COL28A1: variants seen among roughly 807,000 people sequenced by gnomAD.
COL28A1 encodes the protein collagen type XXVIII alpha 1 chain.
In COL28A1, 161 loss-of-function variants were observed where a neutral mutation model predicts 150.2. The observed-to-expected ratio is 1.07, with a 90% CI of 0.94 to 1.22. The LOEUF (loss-of-function observed/expected upper bound fraction) is 1.22. COL28A1 is among the 50% of genes most tolerant of loss of function. The pLI, the probability that COL28A1 is intolerant of heterozygous loss-of-function variation, is 0.00. For synonymous variants in COL28A1, 552 were observed against 469.7 expected, an observed-to-expected ratio of 1.18 and a Z score of -2.26; for missense variants, 1,617 against 1,388.3, an observed-to-expected ratio of 1.16 and a Z score of -2.62.
At chr7:7,533,002 T>C (rs998076191) in intron 1 of COL28A1, 90 bp from the exon 2 acceptor site, 7 of 1,286,952 alleles carry the variant, frequency 5.4e-6, no homozygotes, top group Non-Finnish European at 7.0e-6. Flanking sequence ...AAAACTGGCA[T>C]GTGACTGGAA....
intron 32 of COL28A1, among the ~76,000 whole-genome samples, chr7:7,371,622 G>A (rs950957398): frequency 6.6e-6 from 1 of 152,182 alleles, no homozygotes; most frequent in African/African-American, 2.4e-5. Flanking sequence ...TCACAAACTT[G>A]CCAGGTACAG....
intron 32 of COL28A1, among the ~76,000 whole-genome samples, chr7:7,372,432 A>C (rs1781283239): frequency 6.6e-6 from 1 of 151,198 alleles, no homozygotes. Flanking sequence ...TAAATAAATA[A>C]ATAAATAAAT....
chr7:7,450,673 A>G lies in COL28A1; in HGVS notation c.1509+1646T>C, dbSNP rs146856820. Among the ~76,000 whole-genome samples the G allele has an allele frequency of 7.1e-3, 1,081 of 152,316 alleles. 12 individuals carry two copies. The highest frequency in any genetic ancestry group is 0.025 in the African/African-American group (1,029 of 41,570). ...CTTCCCATTCTACCTCTAACTGTCT[A>G]TCTTCTACAAGTCAAGAAACTTGTC... On this transcript the variant is annotated intron_variant, in intron 18 of 34. Coordinates refer to ENST00000399429, the MANE Select transcript of COL28A1 (RefSeq NM_001037763.3).
intron 27 of COL28A1, among the ~76,000 whole-genome samples, chr7:7,389,749 C>T (rs986298380): frequency 3.3e-5 from 5 of 152,092 alleles, no homozygotes; most frequent in Non-Finnish European, 7.4e-5. Context: ...ATTTTATTCT[C>T]TTTGTAGCAA....
intron 15 of COL28A1, among the ~76,000 whole-genome samples, chr7:7,457,274 T>C (rs188253331): frequency 6.6e-6 from 1 of 151,848 alleles, no homozygotes; most frequent in Non-Finnish European, 1.5e-5. Flanking sequence ...CTGAAGGGGG[T>C]CTGCATGAGA....
chr7:7,392,521 G>A (rs1008350365), intron 27 of COL28A1, among the ~76,000 whole-genome samples: 1 of 152,158 alleles, frequency 6.6e-6, no homozygotes, highest in African/African-American at 2.4e-5. Context: ...ATGTTGTCCT[G>A]TCTTGCTAGG....
At chr7:7,420,988 A>G (rs545044864) in intron 25 of COL28A1, among the ~76,000 whole-genome samples, 1 of 152,334 alleles carries the variant, frequency 6.6e-6, no homozygotes, top group Admixed American at 6.5e-5. Flanking sequence ...TCACTCCTAC[A>G]TATACACCCA....
intron 27 of COL28A1, among the ~76,000 whole-genome samples, chr7:7,411,292 C>T (rs1253421268): frequency 2.6e-5 from 4 of 152,108 alleles, no homozygotes; most frequent in Non-Finnish European, 4.4e-5. Context: ...AATCTTATAA[C>T]GTTCCACATT....
chr7:7,347,775 C>G, the COL28A1 span, among the ~76,000 whole-genome samples: 2 of 152,040 alleles, frequency 1.3e-5, no homozygotes, highest in Admixed American at 6.6e-5. Flanking sequence ...ATACCAAAAA[C>G]AAGCCCAACC....
intron 4 of COL28A1, among the ~76,000 whole-genome samples, chr7:7,523,465 T>C (rs1781853724): frequency 6.6e-6 from 1 of 152,018 alleles, no homozygotes; most frequent in South Asian, 2.1e-4. Flanking sequence ...GCCGTTTTTT[T>C]TTTCCTTTCT....
At chr7:7,403,637 G>T (rs1783338516) in intron 27 of COL28A1, among the ~76,000 whole-genome samples, 1 of 152,142 alleles carries the variant, frequency 6.6e-6, no homozygotes, top group Admixed American at 6.5e-5. Flanking sequence ...ACCTGGTAAT[G>T]TGACTTATAA....
At chr7:7,524,116 G>A in intron 4 of COL28A1, 113 bp downstream of exon 4, 1 of 743,730 alleles carries the variant, frequency 1.3e-6, no homozygotes, top group Non-Finnish European at 2.4e-6. Context: ...CATTTTAAAA[G>A]AACTAAGCAT....
At position 7,403,497 on chromosome 7, in the gene COL28A1, GGTTTA is replaced by G. The variant is rs566948569; in HGVS notation, c.2136+14357_2136+14361del. Among the ~76,000 whole-genome samples the G allele has an allele frequency of 5.3e-3, 807 of 152,192 alleles. 5 individuals carry two copies. The highest frequency in any genetic ancestry group is 9.1e-3 in the Non-Finnish European group (621 of 68,000). On this transcript the variant is annotated intron_variant, in intron 27 of 34. Coordinates refer to ENST00000399429, the MANE Select transcript of COL28A1 (RefSeq NM_001037763.3). ...ACACTCACATTTTACTGTGGATGAAGGTTTAGTTTATTAAAAAGTACATTCCAGAA... is the reference window on the plus strand; with the variant it reads ...ACACTCACATTTTACTGTGGATGAAGGTTTATTAAAAAGTACATTCCAGAA...
chr7:7,339,847 C>G, the COL28A1 span, among the ~76,000 whole-genome samples: 1 of 152,048 alleles, frequency 6.6e-6, no homozygotes, highest in Admixed American at 6.6e-5. Context: ...ATTAGGTAGA[C>G]TTTTAGGTCA....
intron 27 of COL28A1, among the ~76,000 whole-genome samples, chr7:7,387,630 G>A (rs902225609): frequency 1.3e-5 from 2 of 151,954 alleles, no homozygotes; most frequent in Non-Finnish European, 2.9e-5. Context: ...AGCAAATGTG[G>A]TAATATTAAC....
At chr7:7,473,550 G>A (rs145135500) in intron 15 of COL28A1, among the ~76,000 whole-genome samples, 129 of 152,230 alleles carry the variant, frequency 8.5e-4, no homozygotes, top group African/African-American at 2.7e-3. Context: ...ATGTTGGCAC[G>A]GATGCAGTGA....
intron 15 of COL28A1, among the ~76,000 whole-genome samples, chr7:7,468,107 C>A (rs1303003231): frequency 1.1e-4 from 1 of 9,088 alleles, no homozygotes; most frequent in East Asian, 2.4e-3. Context: ...TAACTAAAAT[C>A]AGAGCAGAAC....
chr7:7,482,527 G>GAA (rs34891028), intron 13 of COL28A1, among the ~76,000 whole-genome samples: 27 of 121,214 alleles, frequency 2.2e-4, no homozygotes, highest in Middle Eastern at 4.7e-3. Context: ...CTCTGTCTCA[G>GAA]AAAAAAAAAA....
At chr7:7,437,521 T>A in intron 21 of COL28A1, 59 bp from the exon 22 acceptor site, 2 of 1,567,692 alleles carry the variant, frequency 1.3e-6, no homozygotes, top group Non-Finnish European at 1.7e-6. Flanking sequence ...ATAGAGACAA[T>A]ATTAAGAAAA....
Sources: allele counts gnomAD v4.1 joint callset (sites outside exome capture counted in the v4.1 genomes callset), GRCh38; gene constraint gnomAD v4.1.1; transcripts MANE v1.5; gene names NCBI Gene and HGNC (gene_info 2026-07-23, HGNC 2026-07-21).